Variants in MYO16 observed in about 807,000 individuals in gnomAD.
MYO16 encodes unconventional myosin-XVI.
A neutral mutation model predicts 205.3 loss-of-function variants in MYO16; 94 were observed. The ratio of observed to expected loss-of-function variants is 0.46; its 90% CI spans 0.39 to 0.54. The LOEUF (loss-of-function observed/expected upper bound fraction) is 0.54, where lower values mean the gene tolerates loss of function less well. Ranked by LOEUF, MYO16 falls within the 20% of genes least tolerant of loss-of-function variation. The pLI is 0.00. For missense variants in MYO16, 2,315 were observed against 2,387.5 expected, an observed-to-expected ratio of 0.97 and a Z score of 0.63; for synonymous variants, 988 against 954.0, an observed-to-expected ratio of 1.04 and a Z score of -0.66.
intron 13 of MYO16, among the ~76,000 whole-genome samples, chr13:108,886,193 T>G (rs1879872276): frequency 6.6e-6 from 1 of 152,158 alleles, no homozygotes; most frequent in African/African-American, 2.4e-5. Flanking sequence ...TTCACCGTGT[T>G]AGCCAGGATG....
At chr13:108,776,961 A>G (rs1039723506) in intron 4 of MYO16, among the ~76,000 whole-genome samples, 2 of 152,144 alleles carry the variant, frequency 1.3e-5, no homozygotes, top group Admixed American at 6.5e-5. Flanking sequence ...CATCACAGAC[A>G]CAGAGTCTGT....
At position 108,598,661 on chromosome 13, in the gene MYO16, G is replaced by T. The variant is rs551832900; in HGVS notation, c.-39+2422G>T. ...GAAATAGGCAGGAATGAATAAGTACGTGTTGAATTCTTATGTGATTTGTAA... is the reference window on the plus strand; with the variant it reads ...GAAATAGGCAGGAATGAATAAGTACTTGTTGAATTCTTATGTGATTTGTAA... On this transcript the variant is annotated intron_variant, in intron 1 of 24. Transcript: ENST00000251041. 2.0e-5 allele frequency among the ~76,000 whole-genome samples: 3 copies of T among 152,152 alleles called. No individual in the cohort carries two copies. The South Asian group carries it at 6.2e-4, about 32-fold the overall frequency.
chr13:108,713,009 C>A (rs922528608), intron 3 of MYO16, among the ~76,000 whole-genome samples: 4 of 152,094 alleles, frequency 2.6e-5, no homozygotes, highest in African/African-American at 9.7e-5. Context: ...CAGTATTAGG[C>A]AATCATCCTT....
At chr13:108,784,117 T>C (rs1256517494) in intron 4 of MYO16, among the ~76,000 whole-genome samples, 1 of 152,216 alleles carries the variant, frequency 6.6e-6, no homozygotes, top group Non-Finnish European at 1.5e-5. Context: ...TGCCTATCCT[T>C]GACCAAAGCA....
chr13:109,189,682 A>T (rs1295702521), intron 34 of MYO16, among the ~76,000 whole-genome samples: 1 of 152,170 alleles, frequency 6.6e-6, no homozygotes, highest in African/African-American at 2.4e-5. Flanking sequence ...ACAGGGAAAA[A>T]ATAGTGGGGA....
At chr13:108,764,376 G>T (rs958287797) in intron 4 of MYO16, among the ~76,000 whole-genome samples, 2 of 152,084 alleles carry the variant, frequency 1.3e-5, no homozygotes, top group Admixed American at 6.6e-5. Flanking sequence ...AAACAGACCT[G>T]GAAAGGGCTG....
intron 22 of MYO16, 148 bp downstream of exon 22, chr13:109,009,197 C>T (rs373602219): frequency 3.4e-6 from 2 of 587,748 alleles, no homozygotes; most frequent in East Asian, 3.2e-5. Context: ...TTGAGGTGCA[C>T]AAGTTATCTT....
intron 1 of MYO16, among the ~76,000 whole-genome samples, chr13:108,652,892 T>C (rs187715696): frequency 1.4e-4 from 22 of 152,322 alleles, no homozygotes; most frequent in Non-Finnish European, 2.9e-4. Context: ...TTTCAATTAT[T>C]TTGATGTATA....
the MYO16 span, among the ~76,000 whole-genome samples, chr13:108,510,420 AGTT>A: frequency 6.1e-3 from 259 of 42,254 alleles, 1 homozygote; most frequent in African/African-American, 0.026. Context: ...CCCGGTAGAT[AGTT>A]AATTTTTTTT....
intron 12 of MYO16, among the ~76,000 whole-genome samples, chr13:108,870,615 T>TA (rs1879003297): frequency 2.3e-5 from 2 of 88,420 alleles, no homozygotes; most frequent in African/African-American, 8.2e-5. Flanking sequence ...GATTGCATTT[T>TA]TAAAAAATTA....
At chr13:109,092,593 A>G (rs77798497) in intron 27 of MYO16, among the ~76,000 whole-genome samples, 1 of 152,338 alleles carries the variant, frequency 6.6e-6, no homozygotes, top group Non-Finnish European at 1.5e-5. Flanking sequence ...GGGAAGAGGG[A>G]GAGGAACAGA....
intron 1 of MYO16, among the ~76,000 whole-genome samples, chr13:108,609,872 A>T (rs1879107740): frequency 6.6e-6 from 1 of 152,142 alleles, no homozygotes; most frequent in Non-Finnish European, 1.5e-5. Flanking sequence ...CTGCATAAAG[A>T]GATTGGCTAG....
At chr13:108,552,321 G>A in the MYO16 span, among the ~76,000 whole-genome samples, 1 of 152,186 alleles carries the variant, frequency 6.6e-6, no homozygotes, top group East Asian at 1.9e-4. Flanking sequence ...CTGTCAACTT[G>A]GAGGTGGCAA....
chr13:109,155,134 A>T (rs1877935499), intron 32 of MYO16, among the ~76,000 whole-genome samples: 2 of 152,140 alleles, frequency 1.3e-5, no homozygotes, highest in Non-Finnish European at 2.9e-5. Flanking sequence ...CTATCAATGC[A>T]TTCTTCCCTT....
chr13:109,096,948 C>T (rs752777885), intron 27 of MYO16, among the ~76,000 whole-genome samples: 6 of 152,198 alleles, frequency 3.9e-5, no homozygotes, highest in Non-Finnish European at 7.3e-5. Flanking sequence ...CAGTTTCTTT[C>T]CCATTTGAAC....
At chr13:108,754,512 T>TGG (rs1423623593) in intron 4 of MYO16, among the ~76,000 whole-genome samples, 6 of 140,244 alleles carry the variant, frequency 4.3e-5, no homozygotes, top group Non-Finnish European at 9.3e-5. Context: ...TTACAGGTTT[T>TGG]GGCGTGTGTG....
At chr13:108,945,932 G>A (rs1882922019) in intron 16 of MYO16, among the ~76,000 whole-genome samples, 1 of 152,140 alleles carries the variant, frequency 6.6e-6, no homozygotes, top group Admixed American at 6.5e-5. Context: ...ATGTCAGAAA[G>A]GTGTTTAGCA....
At chr13:108,771,359 G>A (rs1378581360) in intron 4 of MYO16, among the ~76,000 whole-genome samples, 4 of 152,050 alleles carry the variant, frequency 2.6e-5, no homozygotes, top group African/African-American at 9.7e-5. Context: ...TTTTAGAGCA[G>A]TTTTAGGTTC....
chr13:108,679,741 TAAA>T (rs1882383257), intron 2 of MYO16, among the ~76,000 whole-genome samples: 1 of 150,158 alleles, frequency 6.7e-6, no homozygotes, highest in African/African-American at 2.4e-5. Flanking sequence ...ATAATAATAA[TAAA>T]TAAAAATAAA....
Sources: allele counts gnomAD v4.1 joint callset (sites outside exome capture counted in the v4.1 genomes callset), GRCh38; gene constraint gnomAD v4.1.1; transcripts MANE v1.5; gene names NCBI Gene and HGNC (gene_info 2026-07-23, HGNC 2026-07-21).